The following EGFLAM variants were observed in gnomAD, a reference collection of about 807,000 sequenced individuals.
EGFLAM encodes the protein pikachurin.
Under a neutral mutation model 113.1 loss-of-function variants are expected in EGFLAM, and 79 were observed. That is an observed-to-expected ratio of 0.70 (90% CI 0.58 to 0.84). EGFLAM has a LOEUF of 0.84. Among genes scored for constraint, EGFLAM ranks in the 40% least tolerant of loss-of-function variants. The pLI, the probability that EGFLAM is intolerant of heterozygous loss-of-function variation, is 0.00. For synonymous variants in EGFLAM, 504 were observed against 487.6 expected, an observed-to-expected ratio of 1.03 and a Z score of -0.44; for missense variants, 1,265 against 1,291.6, an observed-to-expected ratio of 0.98 and a Z score of 0.32.
chr5:38,279,143 A>T (rs1757958226), intron 1 of EGFLAM, among the ~76,000 whole-genome samples: 1 of 152,214 alleles, frequency 6.6e-6, no homozygotes. Flanking sequence ...ATCATCAGAG[A>T]AACGCAAATC....
At chr5:38,285,244 A>G (rs1214779395) in intron 1 of EGFLAM, among the ~76,000 whole-genome samples, 1 of 152,252 alleles carries the variant, frequency 6.6e-6, no homozygotes, top group Non-Finnish European at 1.5e-5. Flanking sequence ...GAATGCTTCT[A>G]GATTTCCCCA....
intron 1 of EGFLAM, among the ~76,000 whole-genome samples, chr5:38,322,002 T>A (rs1234897357): frequency 6.6e-6 from 1 of 152,224 alleles, no homozygotes; most frequent in African/African-American, 2.4e-5. Context: ...TTCCAATTTC[T>A]CAGACTCCTT....
At chr5:38,460,678 T>G (rs1186677185) in intron 20 of EGFLAM, among the ~76,000 whole-genome samples, 1 of 152,174 alleles carries the variant, frequency 6.6e-6, no homozygotes, top group Non-Finnish European at 1.5e-5. Context: ...ATGGGAGGAT[T>G]CCAGCAGATA....
At chr5:38,273,154 T>C (rs1757806191) in intron 1 of EGFLAM, among the ~76,000 whole-genome samples, 1 of 151,980 alleles carries the variant, frequency 6.6e-6, no homozygotes, top group Non-Finnish European at 1.5e-5. Flanking sequence ...TCCCCAGCAA[T>C]AGGCAGCACA....
rs564355001 is a variant in EGFLAM at position 38,430,755 on chromosome 5, G to T, written c.2055-422G>T. On this transcript the variant is annotated intron_variant, in intron 14 of 21. Coordinates refer to ENST00000322350, the MANE Select transcript of EGFLAM (RefSeq NM_152403.4). ...AAGCTGGCAGCCCAGGAAATTTAGT[G>T]GTGTATTTCCAGTCCAAGCCTGAAG... 3.3e-5 allele frequency among the ~76,000 whole-genome samples: 5 copies of T among 152,232 alleles called. No homozygotes were observed. In the South Asian group the frequency reaches 1.0e-3, roughly 32 times the overall value.
At chr5:38,436,081 G>T (rs1048973193) in intron 16 of EGFLAM, among the ~76,000 whole-genome samples, 1 of 152,094 alleles carries the variant, frequency 6.6e-6, no homozygotes, top group Admixed American at 6.5e-5. Flanking sequence ...CTCCCAAAGT[G>T]CTGAGATTAC....
At chr5:38,356,488 C>G (rs1561291551) in intron 5 of EGFLAM, among the ~76,000 whole-genome samples, 1 of 152,194 alleles carries the variant, frequency 6.6e-6, no homozygotes, top group Admixed American at 6.5e-5. Context: ...GCATAAGTTA[C>G]TTTGCCAAGA....
chr5:38,427,979 T>C lies in EGFLAM; in HGVS notation c.2054+727T>C, dbSNP rs896209049. Reference sequence around the variant, plus strand: ...TTCCTTGGAGCCTGTAGTTGGTAGATGCAGACGCTTTTATTTGTTTATGTC... The same window carrying C: ...TTCCTTGGAGCCTGTAGTTGGTAGACGCAGACGCTTTTATTTGTTTATGTC... On this transcript the variant is annotated intron_variant, in intron 14 of 21. Coordinates refer to ENST00000322350, the MANE Select transcript of EGFLAM (RefSeq NM_152403.4). Among the ~76,000 whole-genome samples, 5 of 152,348 alleles carry C rather than the reference T, an allele frequency of 3.3e-5. No homozygotes were observed. The East Asian group carries it at 9.7e-4, about 29-fold the overall frequency.
At chr5:38,453,848 A>C (rs1742999905) in intron 19 of EGFLAM, among the ~76,000 whole-genome samples, 1 of 152,060 alleles carries the variant, frequency 6.6e-6, no homozygotes, top group Non-Finnish European at 1.5e-5. Flanking sequence ...ATTCTACTCC[A>C]GTAGGGAAAC....
At chr5:38,459,612 T>A (rs1743206351) in intron 20 of EGFLAM, among the ~76,000 whole-genome samples, 2 of 152,176 alleles carry the variant, frequency 1.3e-5, no homozygotes, top group Non-Finnish European at 2.9e-5. Flanking sequence ...TCCCTGAGAA[T>A]TTATCATAAC....
intron 5 of EGFLAM, among the ~76,000 whole-genome samples, chr5:38,360,900 G>T (rs1459874715): frequency 1.3e-5 from 2 of 151,344 alleles, no homozygotes; most frequent in African/African-American, 2.4e-5. Context: ...TGTCACTTAG[G>T]CCGGAGTGCA....
At chr5:38,444,745 G>A (rs528809626) in intron 17 of EGFLAM, among the ~76,000 whole-genome samples, 1 of 152,262 alleles carries the variant, frequency 6.6e-6, no homozygotes, top group South Asian at 2.1e-4. Context: ...AGGAGGTCGA[G>A]ACCAGCCTGG....
intron 1 of EGFLAM, among the ~76,000 whole-genome samples, chr5:38,331,253 C>T (rs935680381): frequency 2.6e-5 from 4 of 152,144 alleles, no homozygotes; most frequent in Non-Finnish European, 5.9e-5. Context: ...ACACATCATT[C>T]TCACCCAAAG....
In EGFLAM at chr5:38,448,302, G is replaced by T. The variant is rs760338980; in HGVS notation, c.2466G>T (p.Ala822=). The T allele has an allele frequency of 2.5e-6, 4 of 1,614,006 alleles. No homozygotes were observed. Among genetic ancestry groups the T allele is most frequent in the Non-Finnish European group, 3.4e-6 (4 of 1,180,038 alleles). The change falls in exon 18 of 22, where the codon GCG becomes GCT. Residue 822 remains alanine (A), a splice_region_variant and synonymous_variant. Coordinates refer to ENST00000322350, the MANE Select transcript of EGFLAM (RefSeq NM_152403.4). ...CCTCCTTTTTCTGTTCTGTCCCAGC[G>T]ATCATAGAAGCCATTGAGATCCCGC... The part of the protein sequence containing the change: ...LGFEGLHCQK[A]IIEAIEIPQF...
chr5:38,448,551 G>A, intron 18 of EGFLAM, 172 bp downstream of exon 18: 2 of 661,440 alleles, frequency 3.0e-6, no homozygotes, highest in Non-Finnish European at 5.1e-6. Flanking sequence ...AGAAACTAGA[G>A]CAAAATAAAA....
At chr5:38,354,400 G>A (rs980626449) in intron 5 of EGFLAM, among the ~76,000 whole-genome samples, 1 of 152,126 alleles carries the variant, frequency 6.6e-6, no homozygotes, top group Non-Finnish European at 1.5e-5. Context: ...GACAACACCA[G>A]CAAAGCAAGA....
chr5:38,430,587 A>G (rs144739508), intron 14 of EGFLAM, among the ~76,000 whole-genome samples: 25 of 152,326 alleles, frequency 1.6e-4, no homozygotes, highest in Middle Eastern at 3.4e-3. Flanking sequence ...ATGCTAACCC[A>G]TGCTTGGTTT....
At chr5:38,447,752 G>C in intron 17 of EGFLAM, among the ~76,000 whole-genome samples, 1 of 108,444 alleles carries the variant, frequency 9.2e-6, no homozygotes, top group African/African-American at 3.8e-5. Context: ...GCGAAACTTT[G>C]TTTCAAAAAA....
rs544941277 is a variant in EGFLAM, at chr5:38,347,160, G to C, written c.292-3341G>C. Among the ~76,000 whole-genome samples the C allele has an allele frequency of 3.9e-5, 6 of 152,306 alleles. No individual in the cohort carries two copies. The South Asian group carries it at 1.2e-3, about 32-fold the overall frequency. On this transcript the variant is annotated intron_variant, in intron 3 of 21. Coordinates refer to ENST00000322350, the MANE Select transcript of EGFLAM (RefSeq NM_152403.4). ...GGCCTGGGGCAGGAGTACTGATGCT[G>C]TGAGTCAAGATGCAGGGCTCAGTAG...
Sources: gnomAD v4.1 joint callset for allele counts (sites outside exome capture counted in the v4.1 genomes callset) on GRCh38, gnomAD v4.1.1 for gene constraint, MANE v1.5 for transcripts, NCBI Gene and HGNC (gene_info 2026-07-23, HGNC 2026-07-21) for gene names.